Variants in ADGRV1 observed in about 807,000 individuals in gnomAD.
ADGRV1 encodes adhesion G protein-coupled receptor V1, also known as G-protein coupled receptor 98.
In ADGRV1, 359 loss-of-function variants were observed where a neutral mutation model predicts 596.2. The ratio of observed to expected loss-of-function variants is 0.60; its 90% confidence interval spans 0.55 to 0.66. ADGRV1 has a LOEUF of 0.66. ADGRV1 is among the 30% of genes least tolerant of loss of function. The pLI is 0.00. For synonymous variants in ADGRV1, 2,681 were observed against 2,679.2 expected (o/e 1.00, Z -0.02); for missense variants, 7,274 against 7,575.6 (o/e 0.96, Z 1.48).
chr5:90,853,295 T>G lies in ADGRV1; in HGVS notation c.17216T>G (p.Ile5739Ser). 1 of 1,608,128 alleles carries G rather than the reference T, an allele frequency of 6.2e-7. No homozygotes were observed. The highest frequency in any genetic ancestry group is 1.1e-5 in the South Asian group (1 of 90,238). Residue 5739 changes from isoleucine (I) to serine (S), a missense_variant, in exon 80 of 90, where the codon ATC becomes AGC. By Grantham distance (142) the Ile-to-Ser change is moderately radical. Transcript: ENST00000405460. ...CGSPGEKSKT[I>S]LDSCPYLSIL... Reference sequence around the variant, plus strand: ...CTTTTCTGTTGTAGAAGCAAAACCATCCTTGATAGTTGCCCATATTTGTCA... The same window carrying G: ...CTTTTCTGTTGTAGAAGCAAAACCAGCCTTGATAGTTGCCCATATTTGTCA...
At chr5:90,607,354 A>G (rs1199652231) in intron 1 of ADGRV1, among the ~76,000 whole-genome samples, 1 of 152,088 alleles carries the variant, frequency 6.6e-6, no homozygotes, top group Non-Finnish European at 1.5e-5. Flanking sequence ...GATCCTTAAA[A>G]TCATCATCCC....
At chr5:90,955,849 G>A (rs1371736417) in intron 83 of ADGRV1, among the ~76,000 whole-genome samples, 4 of 152,232 alleles carry the variant, frequency 2.6e-5, no homozygotes, top group Non-Finnish European at 4.4e-5. Flanking sequence ...TCATATCCTC[G>A]ATGTAAAATG....
At chr5:90,590,973 G>A (rs1325475475) in intron 1 of ADGRV1, among the ~76,000 whole-genome samples, 2 of 151,894 alleles carry the variant, frequency 1.3e-5, no homozygotes, top group African/African-American at 4.8e-5. Context: ...AATTTTTGTG[G>A]TTACATAGTA....
At chr5:90,602,323 T>C (rs1761512451) in intron 1 of ADGRV1, among the ~76,000 whole-genome samples, 2 of 152,208 alleles carry the variant, frequency 1.3e-5, no homozygotes, top group Admixed American at 1.3e-4. Context: ...CTATACATAA[T>C]GACTTCCTTC....
In ADGRV1 at chr5:90,854,118, G is replaced by C; in HGVS notation, c.17511G>C (p.Glu5837Asp). ...CACAACTCCTGACTAATGACAATGAGGTTCTCTACAGGATTTATGCTGCTG... is the reference window on the plus strand; with the variant it reads ...CACAACTCCTGACTAATGACAATGACGTTCTCTACAGGATTTATGCTGCTG... ...QSSQLLTNDN[E>D]VLYRIYAAEP... Residue 5837 changes from glutamate to aspartate, a missense_variant, in exon 81 of 90, where the codon GAG becomes GAC. Transcript: ENST00000405460. 1.3e-6 allele frequency: 2 copies of C among 1,580,442 alleles called. No individual in the cohort carries two copies. The highest frequency in any genetic ancestry group is 1.7e-6 in the Non-Finnish European group (2 of 1,160,156).
At chr5:91,076,264 A>G (rs1562184891) in intron 86 of ADGRV1, among the ~76,000 whole-genome samples, 1 of 152,168 alleles carries the variant, frequency 6.6e-6, no homozygotes, top group Non-Finnish European at 1.5e-5. Context: ...ATGGAATCAC[A>G]CCAAATAAGA....
intron 85 of ADGRV1, among the ~76,000 whole-genome samples, chr5:91,045,384 A>G (rs1316162146): frequency 1.3e-5 from 2 of 152,222 alleles, no homozygotes; most frequent in Non-Finnish European, 2.9e-5. Context: ...ATGGTTTAAC[A>G]TATGCAAGTC....
intron 85 of ADGRV1, among the ~76,000 whole-genome samples, chr5:91,051,651 A>G (rs1474033267): frequency 7.0e-6 from 1 of 143,816 alleles, no homozygotes; most frequent in Non-Finnish European, 1.5e-5. Context: ...GGTTCATGCC[A>G]TTCTCCTGCC....
intron 83 of ADGRV1, among the ~76,000 whole-genome samples, chr5:90,884,436 T>C (rs1311925552): frequency 1.3e-5 from 2 of 152,184 alleles, no homozygotes; most frequent in Admixed American, 1.3e-4. Context: ...AGGATGCTGG[T>C]TTTAACACAA....
intron 86 of ADGRV1, among the ~76,000 whole-genome samples, chr5:91,082,753 T>G (rs1184050124): frequency 6.6e-6 from 1 of 152,196 alleles, no homozygotes; most frequent in Non-Finnish European, 1.5e-5. Flanking sequence ...TATGAGCCAC[T>G]TTAGTTGGTA....
intron 1 of ADGRV1, among the ~76,000 whole-genome samples, chr5:90,596,276 G>A (rs1358833933): frequency 5.9e-5 from 9 of 151,674 alleles, no homozygotes; most frequent in Non-Finnish European, 1.3e-4. Flanking sequence ...TAGGATGGCC[G>A]CCGGGCAGAG....
chr5:90,823,286 A>G (rs1367586100), intron 75 of ADGRV1, 139 bp from the exon 76 acceptor site: 1 of 826,752 alleles, frequency 1.2e-6, no homozygotes, highest in Admixed American at 3.0e-5. Context: ...CATCAGTGGT[A>G]AAGTAAGTGC....
intron 85 of ADGRV1, among the ~76,000 whole-genome samples, chr5:90,993,173 T>C (rs1468018729): frequency 1.3e-5 from 2 of 148,414 alleles, no homozygotes; most frequent in African/African-American, 2.5e-5. Flanking sequence ...TTTTTTTTTT[T>C]TTTTTGACGG....
At chr5:90,866,502 C>G (rs1768122727) in intron 83 of ADGRV1, among the ~76,000 whole-genome samples, 1 of 151,870 alleles carries the variant, frequency 6.6e-6, no homozygotes, top group African/African-American at 2.4e-5. Flanking sequence ...ATTTTTCTCC[C>G]TTAAATTTAT....
chr5:90,859,472 G>T (rs1283971291), intron 82 of ADGRV1, among the ~76,000 whole-genome samples: 2 of 151,856 alleles, frequency 1.3e-5, no homozygotes, highest in African/African-American at 2.4e-5. Context: ...TCTCTCTGTC[G>T]CCCAGGCTGG....
chr5:90,714,981 A>G (rs1395872398), intron 42 of ADGRV1, among the ~76,000 whole-genome samples: 3 of 152,230 alleles, frequency 2.0e-5, no homozygotes, highest in Non-Finnish European at 4.4e-5. Flanking sequence ...CTATAAAACA[A>G]ACAAACTATT....
At chr5:90,974,804 T>C (rs1225293225) in intron 84 of ADGRV1, among the ~76,000 whole-genome samples, 2 of 152,114 alleles carry the variant, frequency 1.3e-5, no homozygotes, top group African/African-American at 2.4e-5. Flanking sequence ...GGACTTCATG[T>C]CTAAAACACC....
chr5:90,578,498 G>A (rs1263411613), intron 1 of ADGRV1, among the ~76,000 whole-genome samples: 1 of 151,970 alleles, frequency 6.6e-6, no homozygotes, highest in Non-Finnish European at 1.5e-5. Flanking sequence ...TTGATGTGCT[G>A]CTGGATTCCG....
chr5:91,070,138 A>G (rs1423674142), intron 85 of ADGRV1, among the ~76,000 whole-genome samples: 1 of 152,168 alleles, frequency 6.6e-6, no homozygotes, highest in Non-Finnish European at 1.5e-5. Flanking sequence ...AAGGATAACA[A>G]AACTAACTTG....
Sources: gnomAD v4.1 joint callset for allele counts (sites outside exome capture counted in the v4.1 genomes callset) on GRCh38, gnomAD v4.1.1 for gene constraint, MANE v1.5 for transcripts, NCBI Gene and HGNC (gene_info 2026-07-23, HGNC 2026-07-21) for gene names.